The following COPS7A variants were observed in gnomAD, a reference collection of about 807,000 sequenced individuals.
COPS7A encodes the protein COP9 signalosome subunit 7A.
Under a neutral mutation model 35.2 loss-of-function variants are expected in COPS7A, and 20 were observed. That is an observed-to-expected ratio of 0.57 (90% CI 0.40 to 0.83). The LOEUF is 0.83. COPS7A is among the 40% of genes least tolerant of loss of function. The pLI is 0.00. For synonymous variants in COPS7A, 139 were observed against 141.4 expected (o/e 0.98, Z 0.12); for missense variants, 247 against 347.5 (o/e 0.71, Z 2.30).
At chr12:6,725,318 G>C (rs1013740912) in intron 2 of COPS7A, among the ~76,000 whole-genome samples, 1 of 151,956 alleles carries the variant, frequency 6.6e-6, no homozygotes, top group Non-Finnish European at 1.5e-5. Context: ...CACCATGCCC[G>C]GCTAACTTTT....
rs111584936 is a variant in COPS7A at position 6,729,207 on chromosome 12, C to T, written c.328-40C>T. The T allele has an allele frequency of 4.1e-4, 663 of 1,607,562 alleles. 5 individuals carry two copies. The East Asian group carries it at 0.013, about 31-fold the overall frequency. Reference sequence around the variant, plus strand: ...GATTTTTGGAAGCCCTTCTCTACTACGGAGCGTCACAAATCCTGGCCTGAT... The same window carrying T: ...GATTTTTGGAAGCCCTTCTCTACTATGGAGCGTCACAAATCCTGGCCTGAT... On this transcript the variant is annotated intron_variant, in intron 4 of 7. Transcript: ENST00000543155. The surrounding 1 kb of genome is among the most constrained non-coding windows in gnomAD (Gnocchi z 4.2).
At chr12:6,725,671 A>G (rs1307997505) in intron 2 of COPS7A, 4 of 456,116 alleles carry the variant, frequency 8.8e-6, no homozygotes, top group South Asian at 6.2e-5. Flanking sequence ...ACTGCTAGGA[A>G]CACAGCAGAG....
In COPS7A at chr12:6,724,713, C is replaced by T; in HGVS notation, c.57C>T (p.Ala19=). ...ACCAGGAGCAATTTCTGCTCCTAGC[C>T]AAGTCGGCCAAGGGGGCAGCGCTGG... ...GQNQEQFLLL[A]KSAKGAALAT... is the part of the protein sequence containing the mutation. Residue 19 remains alanine (A), a synonymous_variant, in exon 2 of 8, where the codon GCC becomes GCT. Coordinates refer to ENST00000543155, the MANE Select transcript of COPS7A (RefSeq NM_001164094.2). 1.2e-6 allele frequency: 2 copies of T among 1,614,150 alleles called. No homozygotes were observed. Among genetic ancestry groups the T allele is most frequent in the Non-Finnish European group, 1.7e-6 (2 of 1,180,034 alleles).
At chr12:6,724,545 C>G in intron 1 of COPS7A, 69 bp from the exon 2 acceptor site, 1 of 1,298,658 alleles carries the variant, frequency 7.7e-7, no homozygotes, top group Non-Finnish European at 1.1e-6. Flanking sequence ...CAATCCAGTC[C>G]CTCAGCCTTG....
rs914116973 is a variant in COPS7A, at chr12:6,727,988, C to T, written c.225C>T (p.Tyr75=). ...TCACAGTGTTTGCTTATGGGACATACGCTGACTACTTAGGTAACCAGAGGG... is the reference window on the plus strand; with the variant it reads ...TCACAGTGTTTGCTTATGGGACATATGCTGACTACTTAGGTAACCAGAGGG... ...RLLTVFAYGT[Y]ADYLAEARNL... Residue 75 remains tyrosine, a synonymous_variant, in exon 3 of 8, where the codon TAC becomes TAT. Coordinates refer to ENST00000543155, the MANE Select transcript of COPS7A (RefSeq NM_001164094.2). The T allele has an allele frequency of 5.6e-6, 9 of 1,614,066 alleles. No individual in the cohort carries two copies. Among genetic ancestry groups the T allele is most frequent in the Admixed American group, 1.7e-5 (1 of 60,018 alleles).
At chr12:6,725,637 C>T (rs776239483) in intron 2 of COPS7A, 2 of 456,036 alleles carry the variant, frequency 4.4e-6, no homozygotes, top group Admixed American at 2.3e-5. Flanking sequence ...GAGAACGTGT[C>T]TTTTTCCCAG....
chr12:6,724,423 G>T (rs1007116619), intron 1 of COPS7A, 191 bp from the exon 2 acceptor site: 11 of 576,022 alleles, frequency 1.9e-5, no homozygotes, highest in Non-Finnish European at 3.2e-5. Flanking sequence ...AGGCCCAGGG[G>T]AGGGGGTGGG....
chr12:6,730,073 T>TG (rs2137757994), intron 5 of COPS7A, among the ~76,000 whole-genome samples: 1 of 152,308 alleles, frequency 6.6e-6, no homozygotes, highest in South Asian at 2.1e-4. Context: ...TGGAGTGCAG[T>TG]GGCACCATCT....
intron 1 of COPS7A, 57 bp from the exon 2 acceptor site, chr12:6,724,557 G>C (rs1414876872): frequency 2.1e-6 from 3 of 1,432,070 alleles, no homozygotes; most frequent in East Asian, 2.3e-5. Flanking sequence ...TCAGCCTTGT[G>C]CTTCCCATCC....
chr12:6,730,559 T>G lies in COPS7A; in HGVS notation c.636+52T>G, dbSNP rs1313009980. ...CCAAACTCCTCCAGCCTGGGCGACT[T>G]GTCCTTTGCAGAGAGAATTTGGACA... On this transcript the variant is annotated intron_variant, in intron 6 of 7. Coordinates refer to ENST00000543155, the MANE Select transcript of COPS7A (RefSeq NM_001164094.2). 5.0e-6 allele frequency: 8 copies of G among 1,612,162 alleles called. No homozygotes were observed. In the African/African-American group the frequency reaches 1.1e-4, roughly 22 times the overall value.
chr12:6,728,089 C>T, intron 3 of COPS7A, 88 bp downstream of exon 3: 1 of 1,482,334 alleles, frequency 6.7e-7, no homozygotes, highest in South Asian at 1.1e-5. Context: ...TGGGATATCC[C>T]ACTTAGATCC....
intron 2 of COPS7A, among the ~76,000 whole-genome samples, chr12:6,725,409 G>A (rs1450476332): frequency 6.6e-6 from 1 of 152,032 alleles, no homozygotes; most frequent in Non-Finnish European, 1.5e-5. Flanking sequence ...CGCCCGCCTT[G>A]ACCTCCCAAG....
intron 2 of COPS7A, among the ~76,000 whole-genome samples, chr12:6,726,552 G>A (rs1467191639): frequency 2.6e-5 from 4 of 151,024 alleles, no homozygotes; most frequent in African/African-American, 7.3e-5. Flanking sequence ...GCAGTGAGCC[G>A]AGATTGCACC....
At chr12:6,727,905 C>T (rs1280071801) in intron 2 of COPS7A, 21 bp from the exon 3 acceptor site, 1 of 1,613,630 alleles carries the variant, frequency 6.2e-7, no homozygotes, top group Admixed American at 1.7e-5. Context: ...CCCGTCACCT[C>T]CTTTTTCCTC....
chr12:6,725,258 G>A (rs974400901), intron 2 of COPS7A, among the ~76,000 whole-genome samples: 4 of 151,146 alleles, frequency 2.6e-5, no homozygotes, highest in African/African-American at 4.9e-5. Flanking sequence ...CTGGGTTCAC[G>A]CCATTCTCCT....
chr12:6,724,078 G>C lies in COPS7A; in HGVS notation c.-145G>C, dbSNP rs1941186251. ...AGAGCGACTCTTCAGGGAGGTGGCA[G>C]GAAAGGCTTGGAACAGCTGCCGGAG... On this transcript the variant is annotated 5_prime_UTR_variant, in exon 1 of 8. Coordinates refer to ENST00000543155, the MANE Select transcript of COPS7A (RefSeq NM_001164094.2). The C allele has an allele frequency of 4.5e-6, 1 of 223,478 alleles. No homozygotes were observed. Among genetic ancestry groups the C allele is most frequent in the Non-Finnish European group, 9.2e-6 (1 of 108,578 alleles). The allele number at this position is 223,478 out of a possible 1,614,324, so 13.8% of individuals were successfully genotyped here. A position where few individuals can be genotyped will look rare whatever the true frequency, so the allele number is the denominator to read the frequency against.
intron 5 of COPS7A, 151 bp from the exon 6 acceptor site, chr12:6,730,251 A>T: frequency 1.5e-6 from 1 of 665,850 alleles, no homozygotes; most frequent in Non-Finnish European, 2.7e-6. Context: ...TCCTGAGCTT[A>T]AGCAATTCGC....
intron 2 of COPS7A, among the ~76,000 whole-genome samples, chr12:6,727,049 G>A (rs530755248): frequency 1.3e-5 from 2 of 152,328 alleles, no homozygotes; most frequent in South Asian, 4.1e-4. Flanking sequence ...TTAAGTGCCA[G>A]AATGAAGCTG....
At position 6,729,541 on chromosome 12, in the gene COPS7A, C is replaced by T. The variant is rs930261043; in HGVS notation, c.530+92C>T. On this transcript the variant is annotated intron_variant, in intron 5 of 7. Transcript: ENST00000543155. This position sits in a 1 kb window ranked among gnomAD's most constrained non-coding sequence, Gnocchi z 4.2. ...AGAGGGCAGGAGCTGGGCTGGTCCGCAGAGGTGGAACCCAAGAGGATGAAG... is the reference window on the plus strand; with the variant it reads ...AGAGGGCAGGAGCTGGGCTGGTCCGTAGAGGTGGAACCCAAGAGGATGAAG... The T allele has an allele frequency of 4.5e-6, 6 of 1,329,016 alleles. No homozygotes were observed. The Admixed American group carries it at 1.0e-4, about 23-fold the overall frequency. The allele number at this position is 1,329,016 out of a possible 1,614,324, so 82.3% of individuals were successfully genotyped here. A position where few individuals can be genotyped will look rare whatever the true frequency, so the allele number is the denominator to read the frequency against.
Sources: allele counts gnomAD v4.1 joint callset (sites outside exome capture counted in the v4.1 genomes callset), GRCh38; gene constraint gnomAD v4.1.1; non-coding constraint Gnocchi (gnomAD v3.1); transcripts MANE v1.5; gene names NCBI Gene and HGNC (gene_info 2026-07-23, HGNC 2026-07-21).